Variants in MAGI1 observed in about 807,000 individuals in gnomAD.
MAGI1 encodes membrane-associated guanylate kinase, WW and PDZ domain-containing protein 1.
In MAGI1, 58 loss-of-function variants were observed where a neutral mutation model predicts 139.9. The observed-to-expected ratio is 0.41, with a 90% CI of 0.34 to 0.52. The LOEUF is 0.52. Among genes scored for constraint, MAGI1 ranks in the 20% least tolerant of loss-of-function variants. The pLI is 0.12. For missense variants in MAGI1, 1,874 were observed against 1,901.6 expected, an observed-to-expected ratio of 0.99 and a Z score of 0.27; for synonymous variants, 812 against 737.9, an observed-to-expected ratio of 1.10 and a Z score of -1.63.
intron 1 of MAGI1, among the ~76,000 whole-genome samples, chr3:65,735,308 T>C (rs1309681383): frequency 6.6e-6 from 1 of 151,866 alleles, no homozygotes; most frequent in African/African-American, 2.4e-5. Context: ...TTTGGGGGGG[T>C]TCTCATTTTA....
rs550302541 is a variant in MAGI1, at chr3:65,868,842, T to C, written c.313+169154A>G. ...ATACTTTGCATATTTTTCTGAATTC[T>C]TGACTTCTCGACAAAGTCCACCCTG... On this transcript the variant is annotated intron_variant, in intron 1 of 22. Transcript: ENST00000402939. 1.2e-3 allele frequency among the ~76,000 whole-genome samples: 189 copies of C among 152,314 alleles called. 2 individuals carry two copies. Among genetic ancestry groups the C allele is most frequent in the African/African-American group, 4.0e-3 (167 of 41,562 alleles).
At chr3:65,918,769 T>A (rs764167677) in intron 1 of MAGI1, among the ~76,000 whole-genome samples, 1 of 152,200 alleles carries the variant, frequency 6.6e-6, no homozygotes, top group South Asian at 2.1e-4. Context: ...CTTAAAATTA[T>A]TGTTTGCTTA....
intron 1 of MAGI1, among the ~76,000 whole-genome samples, chr3:65,730,865 C>T (rs913912380): frequency 2.0e-5 from 3 of 151,680 alleles, no homozygotes; most frequent in Non-Finnish European, 4.4e-5. Context: ...AGCTGTAGAA[C>T]AGAATCTGTT....
intron 2 of MAGI1, among the ~76,000 whole-genome samples, chr3:65,500,850 C>G (rs1429407728): frequency 6.6e-6 from 1 of 152,140 alleles, no homozygotes; most frequent in Non-Finnish European, 1.5e-5. Context: ...AACAAGACTT[C>G]AAAAAATGAC....
At chr3:66,019,359 A>G (rs2067842419) in intron 1 of MAGI1, among the ~76,000 whole-genome samples, 1 of 152,132 alleles carries the variant, frequency 6.6e-6, no homozygotes, top group African/African-American at 2.4e-5. Flanking sequence ...ACCCCTCTAT[A>G]TACCAGTGGC....
At chr3:65,443,287 TA>T (rs1948468420) in intron 7 of MAGI1, among the ~76,000 whole-genome samples, 1 of 152,186 alleles carries the variant, frequency 6.6e-6, no homozygotes, top group African/African-American at 2.4e-5. Context: ...CTCCTTGAAA[TA>T]AAATAAAATC....
rs560631880 is a variant in MAGI1, at chr3:66,038,895, C to A, written c.-587G>T. 19 of 152,176 alleles carry A rather than the reference C, an allele frequency of 1.2e-4. No homozygotes were observed. Among genetic ancestry groups the A allele is most frequent in the African/African-American group, 4.6e-4 (19 of 41,554 alleles). 9.4% of individuals were successfully genotyped at this position (152,176 alleles called of 1,614,324 possible). ...ATTCCGCGCCGCGGAGCGCAGCGGCCGGCGACAGGAGACGCGCGCGCATGC... is the reference window on the plus strand; with the variant it reads ...ATTCCGCGCCGCGGAGCGCAGCGGCAGGCGACAGGAGACGCGCGCGCATGC... On this transcript the variant is annotated 5_prime_UTR_variant, in exon 1 of 23. Transcript: ENST00000402939.
At chr3:65,465,891 A>C (rs1050344450) in intron 5 of MAGI1, among the ~76,000 whole-genome samples, 2 of 152,046 alleles carry the variant, frequency 1.3e-5, no homozygotes, top group African/African-American at 4.8e-5. Context: ...AATGCCCCTG[A>C]AGCTCTGTTT....
At chr3:65,851,386 A>G (rs6786634) in intron 1 of MAGI1, among the ~76,000 whole-genome samples, 85,242 of 152,030 alleles carry the variant, frequency 0.56, 26,542 homozygotes, top group African/African-American at 0.83. Context: ...TGAGTATTAC[A>G]TTGTTGCCTT....
At chr3:65,692,169 G>A (rs1237240038) in intron 1 of MAGI1, among the ~76,000 whole-genome samples, 1 of 152,066 alleles carries the variant, frequency 6.6e-6, no homozygotes, top group South Asian at 2.1e-4. Context: ...AGCACAGTGA[G>A]ACACAGAACT....
chr3:65,551,269 G>A (rs62255341), intron 2 of MAGI1, among the ~76,000 whole-genome samples: 56,610 of 152,050 alleles, frequency 0.37, 11,913 homozygotes, highest in East Asian at 0.62. Context: ...CCCCAGCCAT[G>A]AGGAACTGTG....
intron 1 of MAGI1, among the ~76,000 whole-genome samples, chr3:66,019,744 C>G (rs2067860489): frequency 6.6e-6 from 1 of 152,182 alleles, no homozygotes; most frequent in South Asian, 2.1e-4. Context: ...AAGGAGTCCA[C>G]TCTTACCTCA....
At chr3:65,675,753 G>A (rs1001805976) in intron 1 of MAGI1, among the ~76,000 whole-genome samples, 1 of 152,102 alleles carries the variant, frequency 6.6e-6, no homozygotes, top group African/African-American at 2.4e-5. Flanking sequence ...TAACAAAACT[G>A]ATAACAATTG....
intron 1 of MAGI1, among the ~76,000 whole-genome samples, chr3:65,743,551 T>C (rs1336655669): frequency 6.6e-6 from 1 of 151,960 alleles, no homozygotes; most frequent in Non-Finnish European, 1.5e-5. Flanking sequence ...CTAATAAAAA[T>C]ACAAAAAATT....
chr3:65,990,445 C>G (rs1301248204), intron 1 of MAGI1, among the ~76,000 whole-genome samples: 2 of 152,180 alleles, frequency 1.3e-5, no homozygotes, highest in Admixed American at 1.3e-4. Flanking sequence ...AAGGGAGACT[C>G]TCCTTGTTTA....
intron 22 of MAGI1, chr3:65,360,250 G>C (rs1416933011): frequency 1.0e-6 from 1 of 985,140 alleles, no homozygotes; most frequent in Admixed American, 6.2e-5. Flanking sequence ...CCTAATAAAG[G>C]GGACCAACGT....
At chr3:65,915,353 C>T (rs1428282326) in intron 1 of MAGI1, among the ~76,000 whole-genome samples, 6 of 152,210 alleles carry the variant, frequency 3.9e-5, no homozygotes, top group African/African-American at 4.8e-5. Flanking sequence ...GCTAACACAT[C>T]GCTCCATGCC....
At chr3:65,708,345 C>T (rs189071317) in intron 1 of MAGI1, among the ~76,000 whole-genome samples, 21 of 151,490 alleles carry the variant, frequency 1.4e-4, no homozygotes, top group Admixed American at 1.1e-3. Flanking sequence ...CTTGTAATTA[C>T]CAGTGAGAAG....
chr3:65,795,858 C>G (rs1175367296), intron 1 of MAGI1, among the ~76,000 whole-genome samples: 2 of 151,808 alleles, frequency 1.3e-5, no homozygotes, highest in African/African-American at 4.8e-5. Flanking sequence ...CAAGACCAGG[C>G]TGGCCAAAAT....
Sources: allele counts gnomAD v4.1 joint callset (sites outside exome capture counted in the v4.1 genomes callset), GRCh38; gene constraint gnomAD v4.1.1; transcripts MANE v1.5; gene names NCBI Gene and HGNC (gene_info 2026-07-23, HGNC 2026-07-21).